TC2N: variants seen among roughly 807,000 people sequenced by gnomAD.
TC2N encodes tandem C2 domains nuclear protein.
TC2N carries 51 observed loss-of-function variants against 61.9 expected under a neutral mutation model. That is an observed-to-expected ratio of 0.82 (90% CI 0.66 to 1.04). TC2N has a LOEUF of 1.04. Ranked by LOEUF, TC2N falls within the 50% of genes least tolerant of loss-of-function variation. The pLI is 0.00. For synonymous variants in TC2N, 204 were observed against 192.6 expected, an observed-to-expected ratio of 1.06 and a Z score of -0.49; for missense variants, 556 against 566.7, an observed-to-expected ratio of 0.98 and a Z score of 0.19.
chr14:91,814,994 A>G (rs1380096169), intron 1 of TC2N, among the ~76,000 whole-genome samples: 1 of 151,660 alleles, frequency 6.6e-6, no homozygotes, highest in East Asian at 1.9e-4. Flanking sequence ...AAGAAAAAGC[A>G]TATTTAAAAA....
intron 3 of TC2N, among the ~76,000 whole-genome samples, chr14:91,811,383 G>A (rs1374350261): frequency 1.3e-5 from 2 of 151,768 alleles, no homozygotes; most frequent in Non-Finnish European, 2.9e-5. Context: ...TTTCCTGTAT[G>A]TTTGAAATTT....
At chr14:91,825,011 TTTTC>T (rs1887426640) in intron 1 of TC2N, among the ~76,000 whole-genome samples, 1 of 148,308 alleles carries the variant, frequency 6.7e-6, no homozygotes, top group African/African-American at 2.5e-5. Flanking sequence ...ATCCTTGTAA[TTTTC>T]TTTTTCTTTT....
chr14:91,856,156 A>G (rs1288762683), intron 1 of TC2N, among the ~76,000 whole-genome samples: 7 of 152,212 alleles, frequency 4.6e-5, no homozygotes, highest in African/African-American at 7.2e-5. Context: ...GTCAGGGTTA[A>G]GGCTCTAACA....
Position 91,788,657 on chromosome 14 carries a change from A to C in TC2N, c.1048-1030T>G, listed in dbSNP as rs1366315283. ...CAACAACAACAAAAAAACAACAAAAACTCCAACCTCTCCATATACATAACA... is the reference window on the plus strand; with the variant it reads ...CAACAACAACAAAAAAACAACAAAACCTCCAACCTCTCCATATACATAACA... On this transcript the variant is annotated intron_variant, in intron 9 of 11. Transcript: ENST00000435962. Among the ~76,000 whole-genome samples, 6 of 152,068 alleles carry C rather than the reference A, an allele frequency of 3.9e-5. No homozygotes were observed. The East Asian group carries it at 1.2e-3, about 29-fold the overall frequency.
At chr14:91,798,875 T>A in intron 6 of TC2N, 114 bp downstream of exon 6, 1 of 644,132 alleles carries the variant, frequency 1.6e-6, no homozygotes, top group South Asian at 2.1e-5. Context: ...ATTTATTATA[T>A]CAACATAGTA....
At chr14:91,795,341 T>C (rs1377319936) in intron 8 of TC2N, among the ~76,000 whole-genome samples, 1 of 152,128 alleles carries the variant, frequency 6.6e-6, no homozygotes, top group Admixed American at 6.6e-5. Context: ...AGTTCTACTG[T>C]GGATAAAATG....
intron 1 of TC2N, among the ~76,000 whole-genome samples, chr14:91,856,546 A>T (rs1183629954): frequency 6.6e-6 from 1 of 151,464 alleles, no homozygotes; most frequent in Non-Finnish European, 1.5e-5. Context: ...GAGGAGGGAG[A>T]GCTGTGCCTG....
At chr14:91,808,257 C>T (rs1471592556) in intron 3 of TC2N, among the ~76,000 whole-genome samples, 2 of 152,102 alleles carry the variant, frequency 1.3e-5, no homozygotes, top group Admixed American at 6.5e-5. Flanking sequence ...GTATAGTATA[C>T]AGCATAGTAA....
intron 1 of TC2N, among the ~76,000 whole-genome samples, chr14:91,862,329 G>A (rs1888607485): frequency 7.7e-6 from 1 of 129,470 alleles, no homozygotes; most frequent in African/African-American, 3.2e-5. Context: ...GACAGAGTAA[G>A]ACTCTGTCTC....
chr14:91,787,530 G>T lies in TC2N; in HGVS notation c.1145C>A (p.Ser382Ter), dbSNP rs1885422269. The T allele has an allele frequency of 1.9e-6, 3 of 1,609,112 alleles. No homozygotes were observed. Among genetic ancestry groups the T allele is most frequent in the Non-Finnish European group, 2.5e-6 (3 of 1,177,486 alleles). ...ATACTTACTCAAAGTCAGAGGTGTTGATGAGCTTGGAAGGTACCGTGCCTC... is the reference window on the plus strand; with the variant it reads ...ATACTTACTCAAAGTCAGAGGTGTTTATGAGCTTGGAAGGTACCGTGCCTC... ...ILEARYLPSS[S>*]TPLTLSFFVK... Residue 382 changes from serine to a stop codon, truncating the protein, a stop_gained, in exon 10 of 12, where the codon TCA becomes TAA. Transcript: ENST00000435962. LOFTEE classifies it high-confidence loss of function.
chr14:91,818,684 T>C (rs1221431212), intron 1 of TC2N, among the ~76,000 whole-genome samples: 1 of 152,124 alleles, frequency 6.6e-6, no homozygotes, highest in Non-Finnish European at 1.5e-5. Context: ...ATATGGACGA[T>C]ATTAAAAAGA....
intron 11 of TC2N, 118 bp from the exon 12 acceptor site, chr14:91,783,328 T>G: frequency 1.9e-6 from 1 of 538,758 alleles, no homozygotes; most frequent in Non-Finnish European, 3.3e-6. Context: ...ATATTTTAAA[T>G]TAAACATCTT....
Position 91,787,517 on chromosome 14 carries a change from A to C in TC2N, c.1158T>G (p.Thr386=). ...RYLPSSSTPL[T]LSFFVKVGMF... is the part of the protein sequence containing the mutation. ...TTGAACCACTGATATACTTACTCAA[A>C]GTCAGAGGTGTTGATGAGCTTGGAA... The change falls in exon 10 of 12, where the codon ACT becomes ACG. Residue 386 remains threonine (T), a synonymous_variant. Transcript: ENST00000435962. 1 of 1,597,574 alleles carries C rather than the reference A, an allele frequency of 6.3e-7. No homozygotes were observed. The highest frequency in any genetic ancestry group is 1.3e-5 in the African/African-American group (1 of 74,580).
At chr14:91,785,420 GT>G in intron 10 of TC2N, 59 bp from the exon 11 acceptor site, 3 of 1,242,084 alleles carry the variant, frequency 2.4e-6, no homozygotes. Flanking sequence ...ATAAAGATGT[GT>G]ATATACACAT....
chr14:91,865,284 T>C (rs1200713394), intron 1 of TC2N, among the ~76,000 whole-genome samples: 2 of 151,442 alleles, frequency 1.3e-5, no homozygotes, highest in African/African-American at 2.4e-5. Flanking sequence ...AAGTCAAACA[T>C]TCTAACTGGA....
At chr14:91,858,008 C>G (rs116743163) in intron 1 of TC2N, among the ~76,000 whole-genome samples, 3,981 of 152,184 alleles carry the variant, frequency 0.026, 184 homozygotes, top group African/African-American at 0.091. Flanking sequence ...CTCTGTTGCC[C>G]AGGCTGGAAT....
Position 91,792,349 on chromosome 14 carries a change from CA to C in TC2N, c.1047+17del, listed in dbSNP as rs1885699090. 12 of 1,523,690 alleles carry C rather than the reference CA, an allele frequency of 7.9e-6. No homozygotes were observed. Among genetic ancestry groups the C allele is most frequent in the Non-Finnish European group, 9.8e-6 (11 of 1,121,868 alleles). The allele number at this position is 1,523,690 out of a possible 1,614,324, so 94.4% of individuals were successfully genotyped here. Reference sequence around the variant, plus strand: ...TTCTAAAAGTATGAAATACTCTTAACATACTATTATCGCTTACAGAAATTTT... The same window carrying C: ...TTCTAAAAGTATGAAATACTCTTAACTACTATTATCGCTTACAGAAATTTT... On this transcript the variant is annotated intron_variant, in intron 9 of 11. Transcript: ENST00000435962.
chr14:91,844,842 T>C (rs1156993681), intron 1 of TC2N, among the ~76,000 whole-genome samples: 1 of 146,288 alleles, frequency 6.8e-6, no homozygotes. Flanking sequence ...CTTTCTCCCA[T>C]CCAAATAGTA....
intron 1 of TC2N, among the ~76,000 whole-genome samples, chr14:91,864,293 A>G (rs1416903121): frequency 7.9e-5 from 12 of 152,166 alleles, no homozygotes; most frequent in Non-Finnish European, 1.6e-4. Context: ...CCTTGCAGGA[A>G]CTCAAGATTT....
Sources: allele counts gnomAD v4.1 joint callset (sites outside exome capture counted in the v4.1 genomes callset), GRCh38; gene constraint gnomAD v4.1.1; transcripts MANE v1.5; gene names NCBI Gene and HGNC (gene_info 2026-07-23, HGNC 2026-07-21).